The following ELOVL6 variants were observed in gnomAD, a reference collection of about 807,000 sequenced individuals.
ELOVL6 encodes ELOVL fatty acid elongase 6.
ELOVL6 carries 8 observed loss-of-function variants against 31.7 expected under a neutral mutation model. The observed-to-expected ratio is 0.25, with a 90% CI of 0.15 to 0.45. ELOVL6 has a LOEUF of 0.45. Ranked by LOEUF, ELOVL6 falls within the 20% of genes least tolerant of loss-of-function variation. ELOVL6 has a pLI of 1.00. For synonymous variants in ELOVL6, 101 were observed against 117.7 expected, an observed-to-expected ratio of 0.86 and a Z score of 0.92; for missense variants, 126 against 326.4, an observed-to-expected ratio of 0.39 and a Z score of 4.73.
chr4:110,176,675 G>A (rs1453440040), intron 1 of ELOVL6, among the ~76,000 whole-genome samples: 1 of 152,172 alleles, frequency 6.6e-6, no homozygotes, highest in African/African-American at 2.4e-5. Context: ...AATGTGCCTG[G>A]CCCTTGAGAG....
intron 1 of ELOVL6, among the ~76,000 whole-genome samples, chr4:110,170,748 T>A (rs1164499789): frequency 6.6e-6 from 1 of 152,218 alleles, no homozygotes; most frequent in Admixed American, 6.5e-5. Context: ...TGATATTGAC[T>A]GCAAGCTCAA....
At chr4:110,093,273 A>T (rs1756476150) in intron 2 of ELOVL6, 1 of 282,600 alleles carries the variant, frequency 3.5e-6, no homozygotes, top group South Asian at 3.3e-5. Flanking sequence ...TTAACAGTAA[A>T]TATCTGTGAG....
intron 1 of ELOVL6, among the ~76,000 whole-genome samples, chr4:110,174,157 A>G (rs1281247928): frequency 6.6e-6 from 1 of 151,672 alleles, no homozygotes; most frequent in Non-Finnish European, 1.5e-5. Flanking sequence ...ATGTAAAGAA[A>G]GACAGTCTTT....
chr4:110,168,876 A>G (rs565704454), intron 1 of ELOVL6, among the ~76,000 whole-genome samples: 19 of 152,330 alleles, frequency 1.2e-4, no homozygotes, highest in African/African-American at 4.6e-4. Flanking sequence ...AATTAAATTA[A>G]TGTTCATGAA....
chr4:110,105,907 T>C (rs917710427), intron 1 of ELOVL6, among the ~76,000 whole-genome samples: 2 of 152,216 alleles, frequency 1.3e-5, no homozygotes, highest in African/African-American at 2.4e-5. Context: ...CAACATAGCA[T>C]TGAAGTACAA....
At chr4:110,061,649 T>G (rs1053964760) in intron 2 of ELOVL6, among the ~76,000 whole-genome samples, 2 of 144,820 alleles carry the variant, frequency 1.4e-5, no homozygotes, top group African/African-American at 5.1e-5. Context: ...CTCCGCCTCC[T>G]GGGTTCAAGT....
In ELOVL6 at chr4:110,084,257, A is replaced by G. The variant is rs1258433211; in HGVS notation, c.221+21240T>C. Among the ~76,000 whole-genome samples the G allele has an allele frequency of 2.9e-5, 4 of 136,924 alleles. 1 individual carries two copies. Among genetic ancestry groups the G allele is most frequent in the Admixed American group, 2.4e-4 (3 of 12,748 alleles). 89.8% of individuals were successfully genotyped at this position (136,924 alleles called of 152,430 possible). A position where few individuals can be genotyped will look rare whatever the true frequency, so the allele number is the denominator to read the frequency against. ...ATAACATATATGATATATATAACAT[A>G]TAGCTTATATGTGATATATAACATA... On this transcript the variant is annotated intron_variant, in intron 2 of 3. Transcript: ENST00000302274.
At chr4:110,083,999 T>TATATA (rs1756003077) in intron 2 of ELOVL6, among the ~76,000 whole-genome samples, 1 of 86,778 alleles carries the variant, frequency 1.2e-5, no homozygotes, top group African/African-American at 5.9e-5. Context: ...ATATATAACA[T>TATATA]ATGCCATATA....
At chr4:110,057,728 G>GTAATCCC in intron 3 of ELOVL6, among the ~76,000 whole-genome samples, 1 of 151,830 alleles carries the variant, frequency 6.6e-6, no homozygotes, top group East Asian at 2.0e-4. Context: ...GCACACACCT[G>GTAATCCC]TAATCCCAGC....
intron 2 of ELOVL6, among the ~76,000 whole-genome samples, chr4:110,091,289 T>C (rs369999880): frequency 6.6e-6 from 1 of 152,164 alleles, no homozygotes; most frequent in Non-Finnish European, 1.5e-5. Flanking sequence ...TCAGTAAACA[T>C]GTATAAGGTG....
At chr4:110,057,854 GAAA>G (rs1248115566) in intron 3 of ELOVL6, among the ~76,000 whole-genome samples, 1 of 131,756 alleles carries the variant, frequency 7.6e-6, no homozygotes, top group Non-Finnish European at 1.7e-5. Flanking sequence ...CTGTCTCAGG[GAAA>G]AAAAAAAAAA....
chr4:110,191,893 C>T (rs1431863328), intron 1 of ELOVL6, among the ~76,000 whole-genome samples: 1 of 152,050 alleles, frequency 6.6e-6, no homozygotes, highest in Admixed American at 6.6e-5. Flanking sequence ...ACTATCTAAG[C>T]TGAAAGATTC....
intron 1 of ELOVL6, among the ~76,000 whole-genome samples, chr4:110,158,519 A>C (rs1758520545): frequency 6.7e-6 from 1 of 148,290 alleles, no homozygotes; most frequent in African/African-American, 2.5e-5. Context: ...ACAAAATTTA[A>C]TAACCATTCT....
intron 2 of ELOVL6, among the ~76,000 whole-genome samples, chr4:110,095,639 T>C (rs1044665454): frequency 6.6e-6 from 1 of 152,098 alleles, no homozygotes; most frequent in Non-Finnish European, 1.5e-5. Context: ...TATGGTGAGA[T>C]TGAGGTTTTA....
chr4:110,067,215 G>A (rs1166574710), intron 2 of ELOVL6, among the ~76,000 whole-genome samples: 1 of 152,038 alleles, frequency 6.6e-6, no homozygotes, highest in Non-Finnish European at 1.5e-5. Context: ...TGATTACTCT[G>A]TGATCATTTC....
At chr4:110,071,898 A>C (rs1755494599) in intron 2 of ELOVL6, among the ~76,000 whole-genome samples, 1 of 152,254 alleles carries the variant, frequency 6.6e-6, no homozygotes, top group Non-Finnish European at 1.5e-5. Flanking sequence ...GGATTTTCCA[A>C]AAGATTTCAG....
intron 1 of ELOVL6, among the ~76,000 whole-genome samples, chr4:110,160,113 A>AAAC (rs1758589672): frequency 1.3e-5 from 2 of 149,314 alleles, no homozygotes; most frequent in African/African-American, 4.9e-5. Context: ...CACACACACA[A>AAAC]ACACACACAC....
rs1038554255 is a variant in ELOVL6, at chr4:110,198,080, C to A, written c.89+167G>T. The A allele has an allele frequency of 3.3e-5, 19 of 576,368 alleles. 1 individual carries two copies. Among genetic ancestry groups the A allele is most frequent in the Admixed American group, 1.7e-4 (7 of 40,354 alleles). 35.7% of individuals were successfully genotyped at this position (576,368 alleles called of 1,614,324 possible). ...CAGACCTCGCGCTTCATGTACCCCC[C>A]CCCCCCCAGCGTCTCCTGCACCCGG... is the stretch of plus-strand genomic sequence containing the variant. On this transcript the variant is annotated intron_variant, in intron 1 of 3. Transcript: ENST00000302274.
Position 110,159,282 on chromosome 4 carries a change from C to T in ELOVL6, c.89+38965G>A, listed in dbSNP as rs561798840. On this transcript the variant is annotated intron_variant, in intron 1 of 3. Coordinates refer to ENST00000302274, the MANE Select transcript of ELOVL6 (RefSeq NM_024090.3). ...GGCAAACCCAGGGGAACAAGACAGA[C>T]AAAAATCTGTCATGGGATTTATAGT... 5.3e-5 allele frequency among the ~76,000 whole-genome samples: 8 copies of T among 152,084 alleles called. 1 individual carries two copies. In the South Asian group the frequency reaches 1.7e-3, roughly 32 times the overall value.
Sources: allele counts gnomAD v4.1 joint callset (sites outside exome capture counted in the v4.1 genomes callset), GRCh38; gene constraint gnomAD v4.1.1; transcripts MANE v1.5; gene names NCBI Gene and HGNC (gene_info 2026-07-23, HGNC 2026-07-21).